The following UBE2D2 variants were observed in gnomAD, a reference collection of about 807,000 sequenced individuals.
UBE2D2 encodes ubiquitin-conjugating enzyme E2 D2.
UBE2D2 carries 2 observed loss-of-function variants against 24.2 expected under a neutral mutation model. The ratio of observed to expected loss-of-function variants is 0.08; its 90% CI spans 0.03 to 0.26. UBE2D2 has a LOEUF of 0.26. UBE2D2 is among the 10% of genes least tolerant of loss of function. The pLI is 1.00. For missense variants in UBE2D2, 44 were observed against 177.6 expected, an observed-to-expected ratio of 0.25 and a Z score of 4.28; for synonymous variants, 58 against 56.5, an observed-to-expected ratio of 1.03 and a Z score of -0.12.
rs1038303890 is a variant in UBE2D2 at position 139,561,692 on chromosome 5, G to C, written c.-100G>C. The C allele has an allele frequency of 1.1e-6, 1 of 947,668 alleles. No homozygotes were observed. Among genetic ancestry groups the C allele is most frequent in the Non-Finnish European group, 1.5e-6 (1 of 672,768 alleles). The allele number at this position is 947,668 out of a possible 1,614,324, so 58.7% of individuals were successfully genotyped here. ...CCTCAACTCTCCATCTTCTCCTGCC[G>C]ACCGAGATCGCCGAGGCGGCCTCAG... On this transcript the variant is annotated 5_prime_UTR_variant, in exon 1 of 7. Transcript: ENST00000398733.
At position 139,621,667 on chromosome 5, in the gene UBE2D2, G is replaced by C. The variant is rs947198636; in HGVS notation, c.305-1701G>C. Among the ~76,000 whole-genome samples, 4 of 151,920 alleles carry C rather than the reference G, an allele frequency of 2.6e-5. No individual in the cohort carries two copies. The East Asian group carries it at 7.7e-4, about 29-fold the overall frequency. ...AGGCAGGGTCTCACTCTGTCACCCA[G>C]ATTGGAGTGCAGTGGTGTGAACACA... On this transcript the variant is annotated intron_variant, in intron 5 of 6. Coordinates refer to ENST00000398733, the MANE Select transcript of UBE2D2 (RefSeq NM_003339.3).
At position 139,626,817 on chromosome 5, in the gene UBE2D2, G is replaced by C; in HGVS notation, c.*16G>C. On this transcript the variant is annotated 3_prime_UTR_variant, in exon 7 of 7. Coordinates refer to ENST00000398733, the MANE Select transcript of UBE2D2 (RefSeq NM_003339.3). ...TGCGATGTAATTAAAGAAATTATTG[G>C]ATAACCTCTACAAATAAAGATAGGG... is the stretch of plus-strand genomic sequence containing the variant. 6.2e-7 allele frequency: 1 copy of C among 1,607,976 alleles called. No individual in the cohort carries two copies. Among genetic ancestry groups the C allele is most frequent in the Non-Finnish European group, 8.5e-7 (1 of 1,175,736 alleles).
chr5:139,538,016 C>T (rs944982294), intron 1 of UBE2D2, among the ~76,000 whole-genome samples: 13 of 151,184 alleles, frequency 8.6e-5, no homozygotes, highest in Non-Finnish European at 1.5e-4. Flanking sequence ...TGGCATGATA[C>T]AGTTTTTTTG....
Position 139,563,258 on chromosome 5 carries a change from C to CA in UBE2D2, c.24+1444dup, listed in dbSNP as rs1282591610. On this transcript the variant is annotated intron_variant, in intron 1 of 6. Coordinates refer to ENST00000398733, the MANE Select transcript of UBE2D2 (RefSeq NM_003339.3). ...TCCTCATTTCATTTTTGCTCAAAGACAGTGTGGAATCAGTCCCATTGGTTA... is the reference window on the plus strand; with the variant it reads ...TCCTCATTTCATTTTTGCTCAAAGACAAGTGTGGAATCAGTCCCATTGGTTA... Among the ~76,000 whole-genome samples, 155 of 152,288 alleles carry CA rather than the reference C, an allele frequency of 1.0e-3. 2 individuals carry two copies. The highest frequency in any genetic ancestry group is 2.6e-4 in the Non-Finnish European group (18 of 68,024).
chr5:139,529,279 A>G (rs1203374230), intron 1 of UBE2D2, among the ~76,000 whole-genome samples: 1 of 152,172 alleles, frequency 6.6e-6, no homozygotes, highest in Non-Finnish European at 1.5e-5. Context: ...AAGTAAGACT[A>G]AGGACTGGTC....
chr5:139,615,055 C>A (rs1011412397), intron 5 of UBE2D2, 89 bp downstream of exon 5: 6 of 1,279,678 alleles, frequency 4.7e-6, no homozygotes, highest in Non-Finnish European at 6.5e-6. Flanking sequence ...ACTTATGTTT[C>A]TTTTAAGAAG....
chr5:139,548,163 CAAAAAAAAAA>C (rs749269739), intron 1 of UBE2D2, among the ~76,000 whole-genome samples: 1 of 32,962 alleles, frequency 3.0e-5, no homozygotes, highest in Non-Finnish European at 7.2e-5. Flanking sequence ...GACTCCGTCT[CAAAAAAAAAA>C]AAAAAAAAAA....
At chr5:139,573,573 T>A (rs532195717) in intron 1 of UBE2D2, among the ~76,000 whole-genome samples, 12 of 152,148 alleles carry the variant, frequency 7.9e-5, no homozygotes, top group African/African-American at 1.2e-4. Context: ...CATGGATAGG[T>A]CACCCTAATT....
At chr5:139,551,512 G>T (rs905237018) in intron 1 of UBE2D2, among the ~76,000 whole-genome samples, 5 of 152,162 alleles carry the variant, frequency 3.3e-5, no homozygotes, top group Admixed American at 3.3e-4. Context: ...GTGTGTGTGT[G>T]TTTTAAGGGA....
chr5:139,541,642 C>G (rs184686600), intron 1 of UBE2D2, among the ~76,000 whole-genome samples: 124 of 149,106 alleles, frequency 8.3e-4, no homozygotes, highest in African/African-American at 2.9e-3. Context: ...GGGCTCAATG[C>G]TGGCACCTGT....
In UBE2D2 at chr5:139,561,803, G is replaced by A; in HGVS notation, c.12G>A (p.Lys4=). 1 of 1,496,270 alleles carries A rather than the reference G, an allele frequency of 6.7e-7. No individual in the cohort carries two copies. The highest frequency in any genetic ancestry group is 8.9e-7 in the Non-Finnish European group (1 of 1,129,008). The allele number at this position is 1,496,270 out of a possible 1,614,324, so 92.7% of individuals were successfully genotyped here. The change falls in exon 1 of 7, where the codon AAG becomes AAA. Residue 4 remains lysine (K), a synonymous_variant. Coordinates refer to ENST00000398733, the MANE Select transcript of UBE2D2 (RefSeq NM_003339.3). ...ACCCGCCTCCCACCATGGCTCTGAA[G>A]AGAATCCACAAGGTAAGCGGCCGGA... MAL[K]RIHKELNDLA... is the part of the protein sequence containing the mutation.
At position 139,585,248 on chromosome 5, in the gene UBE2D2, C is replaced by T. The variant is rs1029248170; in HGVS notation, c.25-15124C>T. On this transcript the variant is annotated intron_variant, in intron 1 of 6. Coordinates refer to ENST00000398733, the MANE Select transcript of UBE2D2 (RefSeq NM_003339.3). ...TTTTGAGACAGAGTTTTACCCCATC[C>T]CCCAAGATGGTTGGAGTACAGTGGT... Among the ~76,000 whole-genome samples, 8 of 150,824 alleles carry T rather than the reference C, an allele frequency of 5.3e-5. No homozygotes were observed. The East Asian group carries it at 9.7e-4, about 18-fold the overall frequency.
intron 5 of UBE2D2, among the ~76,000 whole-genome samples, chr5:139,622,135 A>C (rs776352113): frequency 1.3e-5 from 2 of 152,266 alleles, no homozygotes; most frequent in Non-Finnish European, 2.9e-5. Context: ...ACATCATGGG[A>C]TTGTTGTGAG....
At chr5:139,590,214 ACAGTAGTAGAAAAAGG>A (rs978875874) in intron 1 of UBE2D2, among the ~76,000 whole-genome samples, 3 of 152,088 alleles carry the variant, frequency 2.0e-5, no homozygotes, top group Non-Finnish European at 4.4e-5. Flanking sequence ...AGCAGAATAA[ACAGTAGTAGAAAAAGG>A]AACAAGCCAG....
At chr5:139,585,926 ACT>A (rs1328225207) in intron 1 of UBE2D2, among the ~76,000 whole-genome samples, 1 of 129,302 alleles carries the variant, frequency 7.7e-6, no homozygotes, top group African/African-American at 3.1e-5. Flanking sequence ...ACAGAGCGAG[ACT>A]CTGTCTCAAA....
chr5:139,539,317 C>T (rs972069776), intron 1 of UBE2D2, among the ~76,000 whole-genome samples: 1 of 152,068 alleles, frequency 6.6e-6, no homozygotes, highest in African/African-American at 2.4e-5. Flanking sequence ...GCCACCGCAC[C>T]TGGCCAGAAA....
chr5:139,615,071 G>A (rs1339117885), intron 5 of UBE2D2, 105 bp downstream of exon 5: 3 of 1,127,732 alleles, frequency 2.7e-6, no homozygotes, highest in East Asian at 5.0e-5. Flanking sequence ...AGAAGAGATA[G>A]CAATTCTTCT....
intron 1 of UBE2D2, among the ~76,000 whole-genome samples, chr5:139,570,724 G>T (rs1043595976): frequency 6.6e-6 from 1 of 152,044 alleles, no homozygotes; most frequent in Non-Finnish European, 1.5e-5. Context: ...TGTTAGCCAG[G>T]ATGGTCTCGA....
intron 1 of UBE2D2, among the ~76,000 whole-genome samples, chr5:139,527,337 G>A (rs1211486265): frequency 2.6e-5 from 4 of 152,282 alleles, no homozygotes; most frequent in African/African-American, 7.2e-5. Flanking sequence ...GCAGCTGGCA[G>A]AGGCAAGGAA....
Sources: gnomAD v4.1 joint callset for allele counts (sites outside exome capture counted in the v4.1 genomes callset) on GRCh38, gnomAD v4.1.1 for gene constraint, MANE v1.5 for transcripts, NCBI Gene and HGNC (gene_info 2026-07-23, HGNC 2026-07-21) for gene names.